Variants in FMN2 observed in about 807,000 individuals in gnomAD.
The protein encoded by FMN2 is formin 2, also known as formin-2.
Under a neutral mutation model 142.3 loss-of-function variants are expected in FMN2, and 51 were observed. The ratio of observed to expected loss-of-function variants is 0.36; its 90% CI spans 0.29 to 0.45. The LOEUF (loss-of-function observed/expected upper bound fraction) is 0.45, where lower values mean the gene tolerates loss of function less well. Among genes scored for constraint, FMN2 ranks in the 20% least tolerant of loss-of-function variants. The probability of loss-of-function intolerance (pLI) is 1.00; values close to 1 mark genes in which losing one functional copy is unlikely to be tolerated. For missense variants in FMN2, 1,936 were observed against 2,122.8 expected (o/e 0.91, Z 1.73); for synonymous variants, 882 against 869.8 (o/e 1.01, Z -0.25).
intron 6 of FMN2, among the ~76,000 whole-genome samples, chr1:240,234,262 C>G (rs1667622836): frequency 6.6e-6 from 1 of 152,090 alleles, no homozygotes; most frequent in Non-Finnish European, 1.5e-5. Flanking sequence ...TGACACTCAT[C>G]CCCCCTACCC....
chr1:240,146,520 T>C (rs1663487603), intron 2 of FMN2, among the ~76,000 whole-genome samples: 1 of 151,314 alleles, frequency 6.6e-6, no homozygotes, highest in Admixed American at 6.6e-5. Flanking sequence ...CTGGCCAACA[T>C]GGTGAAACCC....
chr1:240,147,686 G>C (rs939877676), intron 2 of FMN2, among the ~76,000 whole-genome samples: 3 of 152,022 alleles, frequency 2.0e-5, no homozygotes, highest in Non-Finnish European at 2.9e-5. Context: ...GTCCAATCTT[G>C]TTACACTTGG....
intron 15 of FMN2, among the ~76,000 whole-genome samples, chr1:240,425,221 G>A (rs1293159885): frequency 6.6e-6 from 1 of 151,922 alleles, no homozygotes; most frequent in Non-Finnish European, 1.5e-5. Flanking sequence ...GAGAGAGAGA[G>A]AGAGAGAGAG....
chr1:240,195,620 A>T (rs6665422), intron 4 of FMN2, among the ~76,000 whole-genome samples: 107,123 of 152,122 alleles, frequency 0.7, 38,537 homozygotes, highest in African/African-American at 0.83. Flanking sequence ...CTAAACCTGT[A>T]TTTTTTCTAG....
intron 8 of FMN2, among the ~76,000 whole-genome samples, chr1:240,324,911 G>A (rs1416492102): frequency 6.6e-6 from 1 of 152,100 alleles, no homozygotes; most frequent in African/African-American, 2.4e-5. Context: ...TACAAACTAT[G>A]AGGGGAATTC....
intron 6 of FMN2, among the ~76,000 whole-genome samples, chr1:240,222,821 G>C (rs980226311): frequency 1.3e-5 from 2 of 152,166 alleles, no homozygotes; most frequent in African/African-American, 4.8e-5. Flanking sequence ...AGGAATGTTT[G>C]TGATTTTTGC....
chr1:240,374,977 A>G (rs1442221570), intron 14 of FMN2, among the ~76,000 whole-genome samples: 1 of 152,090 alleles, frequency 6.6e-6, no homozygotes, highest in Non-Finnish European at 1.5e-5. Context: ...TATTAACTGT[A>G]TGGTTATTAA....
intron 6 of FMN2, among the ~76,000 whole-genome samples, chr1:240,254,523 G>A (rs2102891110): frequency 6.6e-6 from 1 of 152,228 alleles, no homozygotes; most frequent in East Asian, 1.9e-4. Context: ...GCTGGCTGTG[G>A]TAAGTAGGAT....
intron 14 of FMN2, among the ~76,000 whole-genome samples, chr1:240,367,422 A>G (rs1375880869): frequency 2.0e-5 from 3 of 152,074 alleles, no homozygotes; most frequent in South Asian, 2.1e-4. Flanking sequence ...CTTTATTTCT[A>G]TGTAGTGATA....
At chr1:240,377,160 T>C (rs1160496779) in intron 14 of FMN2, among the ~76,000 whole-genome samples, 2 of 152,204 alleles carry the variant, frequency 1.3e-5, no homozygotes, top group Admixed American at 6.5e-5. Context: ...TTTCATTAGG[T>C]ATCATTTTTA....
At chr1:240,390,710 C>A (rs1241230648) in intron 14 of FMN2, among the ~76,000 whole-genome samples, 2 of 152,136 alleles carry the variant, frequency 1.3e-5, no homozygotes, top group African/African-American at 4.8e-5. Context: ...GTATTTTGTA[C>A]ATGTTAACAG....
chr1:240,388,502 A>G (rs1303690397), intron 14 of FMN2, among the ~76,000 whole-genome samples: 1 of 151,982 alleles, frequency 6.6e-6, no homozygotes, highest in African/African-American at 2.4e-5. Flanking sequence ...TTTACAAAAA[A>G]GTGTAGCTTT....
At chr1:240,388,810 C>T (rs1026014960) in intron 14 of FMN2, among the ~76,000 whole-genome samples, 5 of 146,180 alleles carry the variant, frequency 3.4e-5, no homozygotes, top group Non-Finnish European at 5.9e-5. Context: ...TGCAGTGAGC[C>T]GAGATCTCGC....
chr1:240,239,584 T>A (rs1027234652), intron 6 of FMN2, among the ~76,000 whole-genome samples: 2 of 152,244 alleles, frequency 1.3e-5, no homozygotes, highest in Non-Finnish European at 2.9e-5. Flanking sequence ...AAGCTGGACA[T>A]GTCTTCCTCC....
intron 2 of FMN2, among the ~76,000 whole-genome samples, chr1:240,153,697 G>A (rs1013658374): frequency 3.3e-5 from 5 of 151,974 alleles, no homozygotes; most frequent in African/African-American, 1.2e-4. Context: ...AGGGACTAAA[G>A]GTTCTCACAG....
intron 2 of FMN2, chr1:240,144,485 A>C: frequency 6.5e-7 from 1 of 1,545,626 alleles, no homozygotes; most frequent in Non-Finnish European, 8.9e-7. Context: ...ATGCCAGCCT[A>C]GCATGAATGC....
At chr1:240,188,173 A>C in intron 3 of FMN2, 34 bp from the exon 4 acceptor site, 1 of 1,606,178 alleles carries the variant, frequency 6.2e-7, no homozygotes, top group Admixed American at 1.7e-5. Context: ...ATTGTCCTTT[A>C]AGATACTGAC....
intron 3 of FMN2, among the ~76,000 whole-genome samples, chr1:240,180,574 T>G (rs1336230545): frequency 6.6e-6 from 1 of 150,418 alleles, no homozygotes; most frequent in African/African-American, 2.4e-5. Context: ...CCCTTTTTTT[T>G]TTTTTTTTTT....
At chr1:240,450,669 G>C (rs1053222219) in intron 16 of FMN2, among the ~76,000 whole-genome samples, 1 of 152,178 alleles carries the variant, frequency 6.6e-6, no homozygotes, top group African/African-American at 2.4e-5. Context: ...ATGAAAGAAC[G>C]TGCTCCTGGC....
Sources: gnomAD v4.1 joint callset for allele counts (sites outside exome capture counted in the v4.1 genomes callset) on GRCh38, gnomAD v4.1.1 for gene constraint, MANE v1.5 for transcripts, NCBI Gene and HGNC (gene_info 2026-07-23, HGNC 2026-07-21) for gene names.